Variants in UBAP2L observed in about 807,000 individuals in gnomAD.
UBAP2L encodes the protein ubiquitin-associated protein 2-like.
In UBAP2L, 12 loss-of-function variants were observed where a neutral mutation model predicts 130.6. That is an observed-to-expected ratio of 0.09 (90% confidence interval 0.06 to 0.15). UBAP2L has a LOEUF of 0.15. Ranked by LOEUF, UBAP2L falls within the 10% of genes least tolerant of loss-of-function variation. The pLI is 1.00. For missense variants in UBAP2L, 965 were observed against 1,332.5 expected (o/e 0.72, Z 4.29); for synonymous variants, 503 against 524.7 (o/e 0.96, Z 0.57).
At position 154,251,282 on chromosome 1, in the gene UBAP2L, G is replaced by T. The variant is rs762838324; in HGVS notation, c.1455G>T (p.Leu485=). 3 of 1,613,666 alleles carry T rather than the reference G, an allele frequency of 1.9e-6. No homozygotes were observed. Among genetic ancestry groups the T allele is most frequent in the Non-Finnish European group, 2.5e-6 (3 of 1,179,908 alleles). ...GCCCTCAGCCGGCTCAGCAGAAACT[G>T]AAACAGCAGAAGAAAAAAGCCTCCT... ...SSSPQPAQQK[L]KQQKKKASLT... The change falls in exon 13 of 27, where the codon CTG becomes CTT. Residue 485 remains leucine (L), a synonymous_variant. Coordinates refer to ENST00000428931, the MANE Select transcript of UBAP2L (RefSeq NM_014847.4).
At chr1:154,263,319 T>TC in intron 24 of UBAP2L, 1 of 1,422,274 alleles carries the variant, frequency 7.0e-7, no homozygotes, top group Non-Finnish European at 9.1e-7. Context: ...AACTTGCCCC[T>TC]CCCCCATTTC....
chr1:154,237,552 C>G (rs1054527272), intron 8 of UBAP2L, among the ~76,000 whole-genome samples: 1 of 152,152 alleles, frequency 6.6e-6, no homozygotes, highest in African/African-American at 2.4e-5. Context: ...GAAAAGATAG[C>G]CAGAATTAAT....
chr1:154,238,099 T>C (rs576134108), intron 8 of UBAP2L, among the ~76,000 whole-genome samples: 4 of 152,214 alleles, frequency 2.6e-5, no homozygotes, highest in Non-Finnish European at 5.9e-5. Context: ...TCTGGGCCTT[T>C]AGGAGAGCCT....
At chr1:154,256,073 T>C (rs1277087048) in intron 18 of UBAP2L, among the ~76,000 whole-genome samples, 1 of 152,252 alleles carries the variant, frequency 6.6e-6, no homozygotes, top group African/African-American at 2.4e-5. Context: ...AGAGCTGTTC[T>C]CTTTCCTTGG....
At chr1:154,259,086 G>T in intron 21 of UBAP2L, 56 bp downstream of exon 21, 1 of 1,466,282 alleles carries the variant, frequency 6.8e-7, no homozygotes, top group Non-Finnish European at 9.6e-7. Flanking sequence ...TTAGTGTTGG[G>T]AGAATTATCT....
intron 24 of UBAP2L, among the ~76,000 whole-genome samples, chr1:154,265,079 T>A (rs1397773275): frequency 1.3e-5 from 2 of 152,208 alleles, no homozygotes; most frequent in African/African-American, 2.4e-5. Flanking sequence ...TATTTTCTCT[T>A]GCTTGGTTTT....
At chr1:154,244,531 C>T (rs1674696613) in intron 10 of UBAP2L, among the ~76,000 whole-genome samples, 1 of 152,062 alleles carries the variant, frequency 6.6e-6, no homozygotes, top group African/African-American at 2.4e-5. Context: ...CACCACTATA[C>T]CCAGCTAATT....
At chr1:154,242,002 A>G (rs1167736769) in intron 9 of UBAP2L, among the ~76,000 whole-genome samples, 1 of 152,186 alleles carries the variant, frequency 6.6e-6, no homozygotes, top group Non-Finnish European at 1.5e-5. Context: ...CAAATCCTCA[A>G]ACTTGTAATC....
In UBAP2L at chr1:154,270,677, T is replaced by C. The variant is rs1276409910; in HGVS notation, c.*382T>C. Reference sequence around the variant, plus strand: ...AACAGCCCTAAGTCTCCTTCTTTATTATTAGGAAAACAACAACAACAACAA... The same window carrying C: ...AACAGCCCTAAGTCTCCTTCTTTATCATTAGGAAAACAACAACAACAACAA... On this transcript the variant is annotated 3_prime_UTR_variant, in exon 27 of 27. Transcript: ENST00000428931. 5.7e-6 allele frequency: 8 copies of C among 1,410,532 alleles called. No individual in the cohort carries two copies. The highest frequency in any genetic ancestry group is 7.3e-6 in the Non-Finnish European group (8 of 1,089,094). The allele number at this position is 1,410,532 out of a possible 1,614,324, so 87.4% of individuals were successfully genotyped here. A position where few individuals can be genotyped will look rare whatever the true frequency, so the allele number is the denominator to read the frequency against.
intron 11 of UBAP2L, 93 bp downstream of exon 11, chr1:154,246,468 A>G: frequency 1.4e-6 from 2 of 1,413,870 alleles, no homozygotes; most frequent in Non-Finnish European, 1.9e-6. Context: ...GGTTTTTGGC[A>G]GGTGAAGCAT....
At chr1:154,252,013 G>T (rs1180405521) in intron 14 of UBAP2L, among the ~76,000 whole-genome samples, 1 of 152,098 alleles carries the variant, frequency 6.6e-6, no homozygotes, top group Non-Finnish European at 1.5e-5. Flanking sequence ...TCACTCTGTT[G>T]CTTAGGCTGG....
chr1:154,221,876 G>A (rs567168457), intron 1 of UBAP2L, among the ~76,000 whole-genome samples: 8 of 152,264 alleles, frequency 5.3e-5, no homozygotes, highest in Admixed American at 3.9e-4. Context: ...TACGCTTAAG[G>A]GACGTCACTA....
intron 12 of UBAP2L, among the ~76,000 whole-genome samples, chr1:154,250,206 G>GT (rs1236751462): frequency 1.3e-5 from 2 of 152,128 alleles, no homozygotes; most frequent in Admixed American, 6.6e-5. Flanking sequence ...CCACAGGCTT[G>GT]TACCACCATG....
chr1:154,270,377 G>A lies in UBAP2L; in HGVS notation c.*82G>A, dbSNP rs766171635. ...CTATGGAAACAGCATCAAAGAGAAA[G>A]GAATGTGGGGGGTTTCCGCTGCCCC... On this transcript the variant is annotated 3_prime_UTR_variant, in exon 27 of 27. Coordinates refer to ENST00000428931, the MANE Select transcript of UBAP2L (RefSeq NM_014847.4). 1.8e-4 allele frequency: 285 copies of A among 1,585,868 alleles called. No homozygotes were observed. Among genetic ancestry groups the A allele is most frequent in the Non-Finnish European group, 2.3e-4 (273 of 1,168,656 alleles).
chr1:154,240,174 T>C (rs1171093699), intron 8 of UBAP2L, among the ~76,000 whole-genome samples: 3 of 152,204 alleles, frequency 2.0e-5, no homozygotes, highest in Non-Finnish European at 2.9e-5. Flanking sequence ...ATTTAATATA[T>C]ATTATTCTAG....
chr1:154,254,782 C>A, intron 15 of UBAP2L, 54 bp from the exon 16 acceptor site: 4 of 1,566,628 alleles, frequency 2.6e-6, no homozygotes, highest in Non-Finnish European at 3.5e-6. Flanking sequence ...TAACTTTCCT[C>A]ATTCACATGA....
rs1240168579 is a variant in UBAP2L at position 154,270,223 on chromosome 1, G to C, written c.3192G>C (p.Gln1064His). The change falls in exon 27 of 27, where the codon CAG (glutamine) becomes CAC (histidine). Residue 1064 changes from glutamine to histidine, a missense_variant. By Grantham distance (24) the Gln-to-His change is conservative. Around this residue, in one of 9 missense-constraint regions of UBAP2L, gnomAD observed 194 missense variants for 334.0 expected, o/e 0.58. Transcript: ENST00000428931. ...AGACGGGCAGCGGGCAACGTAGCCA[G>C]ACCAGCTCCATCCCGCAGAAGCCCC... ...DGQTGSGQRS[Q>H]TSSIPQKPQT... 9 of 1,612,168 alleles carry C rather than the reference G, an allele frequency of 5.6e-6. No homozygotes were observed. Among genetic ancestry groups the C allele is most frequent in the Non-Finnish European group, 6.8e-6 (8 of 1,178,886 alleles).
At chr1:154,242,979 T>C (rs568026377) in intron 9 of UBAP2L, 1 of 316,494 alleles carries the variant, frequency 3.2e-6, no homozygotes, top group East Asian at 5.8e-5. Context: ...AGTATGCATA[T>C]GATCATGTGA....
intron 4 of UBAP2L, among the ~76,000 whole-genome samples, chr1:154,231,771 G>A (rs955958153): frequency 6.6e-6 from 1 of 152,086 alleles, no homozygotes; most frequent in African/African-American, 2.4e-5. Context: ...ATATTCCGTT[G>A]TACATATATG....
Sources: allele counts gnomAD v4.1 joint callset (sites outside exome capture counted in the v4.1 genomes callset), GRCh38; gene constraint gnomAD v4.1.1; regional missense constraint gnomAD v4.1.1; transcripts MANE v1.5; gene names NCBI Gene and HGNC (gene_info 2026-07-23, HGNC 2026-07-21).